RYR2: variants seen among roughly 807,000 people sequenced by gnomAD.
RYR2 encodes the protein ryanodine receptor 2, also known as cardiac muscle ryanodine receptor-calcium release channel.
A neutral mutation model predicts 601.1 loss-of-function variants in RYR2; 227 were observed. The ratio of observed to expected loss-of-function variants is 0.38; its 90% CI spans 0.34 to 0.42. The LOEUF is 0.42. RYR2 is among the 10% of genes least tolerant of loss of function. RYR2 has a pLI of 1.00. For missense variants in RYR2, 4,646 were observed against 6,156.5 expected (o/e 0.75, Z 8.21); for synonymous variants, 2,223 against 2,175.1 (o/e 1.02, Z -0.61).
chr1:237,512,979 T>C (rs1666064326), intron 24 of RYR2, among the ~76,000 whole-genome samples: 4 of 152,300 alleles, frequency 2.6e-5, no homozygotes, highest in African/African-American at 9.6e-5. Flanking sequence ...CACTGCAGCC[T>C]GCAACTCCTG....
chr1:237,820,994 C>T (rs1386171465), intron 101 of RYR2, among the ~76,000 whole-genome samples: 3 of 152,168 alleles, frequency 2.0e-5, no homozygotes, highest in Admixed American at 1.3e-4. Flanking sequence ...CTGGGCAGGG[C>T]ATCTCTGGAA....
At chr1:237,589,700 A>G in intron 29 of RYR2, 93 bp from the exon 30 acceptor site, 1 of 1,247,856 alleles carries the variant, frequency 8.0e-7, no homozygotes, top group Non-Finnish European at 1.1e-6. Flanking sequence ...CAGCTCTCAC[A>G]AAGTTCGGTC....
intron 80 of RYR2, among the ~76,000 whole-genome samples, chr1:237,752,721 C>G (rs1469851327): frequency 6.6e-6 from 1 of 152,122 alleles, no homozygotes; most frequent in Non-Finnish European, 1.5e-5. Context: ...TTCATTGTCC[C>G]CATTGTTATC....
At chr1:237,671,511 G>T (rs1288334385) in intron 58 of RYR2, among the ~76,000 whole-genome samples, 4 of 150,842 alleles carry the variant, frequency 2.7e-5, no homozygotes, top group African/African-American at 9.8e-5. Context: ...GGGTGTGTGT[G>T]TGTGTGTGCG....
At chr1:237,113,953 A>G (rs1933127) in intron 1 of RYR2, among the ~76,000 whole-genome samples, 12,358 of 152,266 alleles carry the variant, frequency 0.081, 738 homozygotes, top group African/African-American at 0.17. Context: ...GGTGGTCTTG[A>G]CATGACGTCG....
chr1:237,327,672 C>T (rs1696297703), intron 2 of RYR2, among the ~76,000 whole-genome samples: 1 of 152,198 alleles, frequency 6.6e-6, no homozygotes, highest in Non-Finnish European at 1.5e-5. Context: ...AGTGGTGCTT[C>T]ATCATTTCCA....
chr1:237,512,427 A>AT, intron 24 of RYR2, among the ~76,000 whole-genome samples: 1 of 152,298 alleles, frequency 6.6e-6, no homozygotes, highest in Non-Finnish European at 1.5e-5. Flanking sequence ...ATAATTTAAA[A>AT]TTTTTTGCTG....
chr1:237,295,077 G>A (rs192557437), intron 2 of RYR2, among the ~76,000 whole-genome samples: 52 of 152,140 alleles, frequency 3.4e-4, no homozygotes, highest in Admixed American at 2.9e-3. Flanking sequence ...TTAGCCGGGC[G>A]TGGCAGTGTG....
chr1:237,784,770 C>A lies in RYR2; in HGVS notation c.13058C>A (p.Pro4353His). The A allele has an allele frequency of 6.2e-7, 1 of 1,605,056 alleles. No homozygotes were observed. The highest frequency in any genetic ancestry group is 1.1e-5 in the South Asian group (1 of 90,074). ...RGDGEEGERK[P>H]LEAALPSEDL... is the part of the protein sequence containing the mutation. ...GATGGGGAGGAGGGAGAGAGGAAAC[C>A]CCTGGAAGCCGCCCTGCCCTCCGAG... The change falls in exon 90 of 105, where the codon CCC becomes CAC. Residue 4353 changes from proline to histidine, a missense_variant. Around this residue, in one of 17 missense-constraint regions of RYR2, gnomAD observed 364 missense variants for 442.9 expected, o/e 0.82. Transcript: ENST00000366574. The surrounding 1 kb of genome is among the most constrained non-coding windows in gnomAD (Gnocchi z 7.1).
intron 56 of RYR2, among the ~76,000 whole-genome samples, chr1:237,665,556 G>A (rs1371725826): frequency 2.0e-5 from 3 of 152,152 alleles, no homozygotes; most frequent in Non-Finnish European, 2.9e-5. Flanking sequence ...AAAACGGGAT[G>A]CTCAAAAAAC....
At chr1:237,802,592 A>T (rs549632210) in intron 98 of RYR2, among the ~76,000 whole-genome samples, 2 of 152,226 alleles carry the variant, frequency 1.3e-5, no homozygotes, top group African/African-American at 4.8e-5. Flanking sequence ...TAAGAGTTCA[A>T]AATCAGGTCT....
chr1:237,215,369 G>C (rs533562299), intron 1 of RYR2, among the ~76,000 whole-genome samples: 1 of 152,292 alleles, frequency 6.6e-6, no homozygotes, highest in African/African-American at 2.4e-5. Context: ...ACTATCCACA[G>C]TTTCAGGAAT....
intron 79 of RYR2, among the ~76,000 whole-genome samples, chr1:237,737,513 T>C (rs980011941): frequency 2.0e-5 from 3 of 152,218 alleles, no homozygotes; most frequent in Admixed American, 2.0e-4. Context: ...TGCATTAAAT[T>C]TTCAGCCAGG....
intron 36 of RYR2, among the ~76,000 whole-genome samples, chr1:237,612,188 T>G (rs899315696): frequency 6.6e-6 from 1 of 152,148 alleles, no homozygotes; most frequent in Admixed American, 6.5e-5. Flanking sequence ...AGTGAAAGAA[T>G]CCTACTAGTG....
intron 1 of RYR2, among the ~76,000 whole-genome samples, chr1:237,262,245 G>GTTTTTTTTTTTTTTTTTTTTTTT (rs386370106): frequency 4.9e-5 from 3 of 61,102 alleles, no homozygotes; most frequent in African/African-American, 1.8e-4. Context: ...GTTCTAAAGA[G>GTTTTTTTTTTTTTTTTTTTTTTT]TTTTTTTTTT....
intron 2 of RYR2, among the ~76,000 whole-genome samples, chr1:237,287,373 A>C (rs1691679897): frequency 6.6e-6 from 1 of 152,176 alleles, no homozygotes; most frequent in African/African-American, 2.4e-5. Flanking sequence ...AGGCCAGGGA[A>C]GTTTTCCTCA....
intron 1 of RYR2, among the ~76,000 whole-genome samples, chr1:237,118,823 C>T (rs1452072008): frequency 1.3e-5 from 2 of 151,782 alleles, no homozygotes; most frequent in African/African-American, 2.4e-5. Context: ...TCCTTATTAA[C>T]AATATTTTAA....
At chr1:237,782,845 A>C (rs1439070525) in intron 89 of RYR2, among the ~76,000 whole-genome samples, 1 of 152,212 alleles carries the variant, frequency 6.6e-6, no homozygotes, top group Non-Finnish European at 1.5e-5. Context: ...AAATCTGCCC[A>C]GGTTGCTGAG....
At chr1:237,475,087 A>C (rs1661253236) in intron 17 of RYR2, among the ~76,000 whole-genome samples, 1 of 152,124 alleles carries the variant, frequency 6.6e-6, no homozygotes, top group Non-Finnish European at 1.5e-5. Flanking sequence ...AAATACTAAT[A>C]ATTTAATTCT....
Sources: allele counts gnomAD v4.1 joint callset (sites outside exome capture counted in the v4.1 genomes callset), GRCh38; gene constraint gnomAD v4.1.1; regional missense constraint gnomAD v4.1.1; non-coding constraint Gnocchi (gnomAD v3.1); transcripts MANE v1.5; gene names NCBI Gene and HGNC (gene_info 2026-07-23, HGNC 2026-07-21).